Variants in VDAC1 observed in about 807,000 individuals in gnomAD.
VDAC1 encodes non-selective voltage-gated ion channel VDAC1.
VDAC1 carries 10 observed loss-of-function variants against 34.7 expected under a neutral mutation model. That is an observed-to-expected ratio of 0.29 (90% CI 0.18 to 0.49). VDAC1 has a LOEUF of 0.49. Among genes scored for constraint, VDAC1 ranks in the 20% least tolerant of loss-of-function variants. VDAC1 has a pLI of 0.99. For missense variants in VDAC1, 230 were observed against 347.9 expected (o/e 0.66, Z 2.69); for synonymous variants, 130 against 136.0 (o/e 0.96, Z 0.30).
At chr5:134,083,337 T>C in the VDAC1 span, among the ~76,000 whole-genome samples, 3 of 151,960 alleles carry the variant, frequency 2.0e-5, no homozygotes, top group African/African-American at 4.8e-5. Flanking sequence ...TACAGGCACC[T>C]GCCACCATGC....
the VDAC1 span, among the ~76,000 whole-genome samples, chr5:134,074,870 AG>A: frequency 6.6e-6 from 1 of 152,148 alleles, no homozygotes; most frequent in Non-Finnish European, 1.5e-5. Context: ...CCACCACCAA[AG>A]GCTCCTTTGC....
At chr5:134,016,473 G>A in the VDAC1 span, among the ~76,000 whole-genome samples, 2 of 152,112 alleles carry the variant, frequency 1.3e-5, no homozygotes, top group Admixed American at 1.3e-4. Flanking sequence ...GTATTGCAAG[G>A]GACATGGAAC....
chr5:133,992,399 A>T lies in VDAC1; in HGVS notation c.68-44T>A, dbSNP rs780774681. On this transcript the variant is annotated intron_variant, in intron 2 of 8. Coordinates refer to ENST00000265333, the MANE Select transcript of VDAC1 (RefSeq NM_003374.3). ...AACTGTCAATAGGTTAAATAACTAG[A>T]GAACAGCACCTCTGCCTCCCTCATG... 2.0e-6 allele frequency: 3 copies of T among 1,475,926 alleles called. No individual in the cohort carries two copies. In the South Asian group the frequency reaches 3.9e-5, roughly 19 times the overall value. The allele number at this position is 1,475,926 out of a possible 1,614,324, so 91.4% of individuals were successfully genotyped here.
the VDAC1 span, among the ~76,000 whole-genome samples, chr5:134,045,693 G>C: frequency 7.0e-6 from 1 of 143,076 alleles, no homozygotes; most frequent in South Asian, 2.2e-4. Flanking sequence ...TTTTTTTTTT[G>C]AGATGGGGTT....
chr5:134,074,142 C>T, the VDAC1 span, among the ~76,000 whole-genome samples: 2 of 151,748 alleles, frequency 1.3e-5, no homozygotes, highest in Admixed American at 6.6e-5. Flanking sequence ...GAAACCCCAT[C>T]GCTCCTAAAA....
the VDAC1 span, among the ~76,000 whole-genome samples, chr5:134,085,722 TAAAAAAAAA>T: frequency 9.7e-4 from 43 of 44,248 alleles, 1 homozygote; most frequent in South Asian, 4.4e-3. Flanking sequence ...ACCCCATTTC[TAAAAAAAAA>T]AAAAAAAAAA....
chr5:134,074,411 G>T, the VDAC1 span, among the ~76,000 whole-genome samples: 1 of 152,144 alleles, frequency 6.6e-6, no homozygotes, highest in African/African-American at 2.4e-5. Context: ...GAGCAAACAT[G>T]CTAGCATGGG....
the VDAC1 span, among the ~76,000 whole-genome samples, chr5:134,091,044 T>C: frequency 6.6e-6 from 1 of 152,146 alleles, no homozygotes; most frequent in Admixed American, 6.5e-5. Flanking sequence ...CACGGAACAC[T>C]ATGCAAGTTT....
chr5:134,000,307 C>G (rs1753495588), intron 1 of VDAC1, among the ~76,000 whole-genome samples: 2 of 152,296 alleles, frequency 1.3e-5, no homozygotes, highest in South Asian at 4.1e-4. Context: ...GGCAGTAGAG[C>G]TTTCCAGGGG....
intron 1 of VDAC1, 44 bp from the exon 2 acceptor site, chr5:133,993,062 G>A: frequency 6.5e-7 from 1 of 1,549,556 alleles, no homozygotes; most frequent in Non-Finnish European, 8.8e-7. Flanking sequence ...GATAATTAGG[G>A]AAATTAGCTT....
chr5:134,047,107 C>T, the VDAC1 span, among the ~76,000 whole-genome samples: 16 of 152,254 alleles, frequency 1.1e-4, no homozygotes, highest in East Asian at 3.1e-3. Context: ...CTTTCTCCTG[C>T]CCCTCCCAAA....
chr5:134,080,328 G>T, the VDAC1 span, among the ~76,000 whole-genome samples: 1 of 152,370 alleles, frequency 6.6e-6, no homozygotes, highest in East Asian at 1.9e-4. Context: ...GGTCGAGCCA[G>T]TGAGAGATGC....
chr5:134,109,651 T>C, the VDAC1 span, among the ~76,000 whole-genome samples: 107 of 151,830 alleles, frequency 7.0e-4, no homozygotes, highest in Middle Eastern at 3.4e-3. Context: ...GTGCCTGTAA[T>C]CCCAGCTACT....
the VDAC1 span, among the ~76,000 whole-genome samples, chr5:134,025,358 A>T: frequency 2.0e-5 from 3 of 152,136 alleles, no homozygotes; most frequent in Non-Finnish European, 4.4e-5. Flanking sequence ...CATCATTCAT[A>T]AGAGGTTCAC....
the VDAC1 span, among the ~76,000 whole-genome samples, chr5:134,063,305 A>G: frequency 1.3e-5 from 2 of 152,182 alleles, no homozygotes; most frequent in Non-Finnish European, 2.9e-5. Flanking sequence ...TCCAGTGTGG[A>G]CTACCACAAT....
chr5:134,090,241 A>G, the VDAC1 span, among the ~76,000 whole-genome samples: 1 of 152,090 alleles, frequency 6.6e-6, no homozygotes, highest in Non-Finnish European at 1.5e-5. Context: ...TTCTTCGTGG[A>G]ATATTCCTGG....
intron 7 of VDAC1, among the ~76,000 whole-genome samples, chr5:133,975,269 A>G (rs544250758): frequency 6.6e-6 from 1 of 152,078 alleles, no homozygotes; most frequent in East Asian, 1.9e-4. Context: ...AACAAAAAAT[A>G]AAAAAAACCC....
the VDAC1 span, among the ~76,000 whole-genome samples, chr5:134,114,314 G>T: frequency 3.9e-5 from 6 of 152,226 alleles, no homozygotes; most frequent in South Asian, 1.0e-3. Flanking sequence ...AGGGCGCATT[G>T]GAGCCTGGGC....
At chr5:134,024,114 G>C in the VDAC1 span, among the ~76,000 whole-genome samples, 1 of 151,790 alleles carries the variant, frequency 6.6e-6, no homozygotes, top group African/African-American at 2.4e-5. Context: ...CTGCACTCCA[G>C]CCTAGGCAAC....
Sources: allele counts gnomAD v4.1 joint callset (sites outside exome capture counted in the v4.1 genomes callset), GRCh38; gene constraint gnomAD v4.1.1; transcripts MANE v1.5; gene names NCBI Gene and HGNC (gene_info 2026-07-23, HGNC 2026-07-21).